Variants in CAPN5 observed in about 807,000 individuals in gnomAD.
CAPN5 encodes calpain-5.
CAPN5 carries 54 observed loss-of-function variants against 73.0 expected under a neutral mutation model. The observed-to-expected ratio is 0.74, with a 90% CI of 0.59 to 0.93. The LOEUF (loss-of-function observed/expected upper bound fraction) is 0.93. Among genes scored for constraint, CAPN5 ranks in the 40% least tolerant of loss-of-function variants. CAPN5 has a pLI of 0.00. For synonymous variants in CAPN5, 335 were observed against 356.9 expected, an observed-to-expected ratio of 0.94 and a Z score of 0.69; for missense variants, 785 against 882.9, an observed-to-expected ratio of 0.89 and a Z score of 1.41.
intron 3 of CAPN5, among the ~76,000 whole-genome samples, chr11:77,112,184 T>C (rs1252734447): frequency 6.6e-6 from 1 of 151,728 alleles, no homozygotes; most frequent in Non-Finnish European, 1.5e-5. Flanking sequence ...TTGGGCTGAC[T>C]GGATGGAGGG....
Position 77,124,103 on chromosome 11 carries a change from C to T in CAPN5, c.*233C>T. 1 of 563,620 alleles carries T rather than the reference C, an allele frequency of 1.8e-6. No homozygotes were observed. The highest frequency in any genetic ancestry group is 3.2e-6 in the Non-Finnish European group (1 of 316,706). 34.9% of individuals were successfully genotyped at this position (563,620 alleles called of 1,614,324 possible). A position where few individuals can be genotyped will look rare whatever the true frequency, so the allele number is the denominator to read the frequency against. On this transcript the variant is annotated 3_prime_UTR_variant, in exon 13 of 13. Transcript: ENST00000648180. ...TGCTGAGATTTCAAATAGTCCTCCC[C>T]ACCTCAACTGTCACCACTGCTAAGG...
chr11:77,102,933 C>G, intron 3 of CAPN5: 1 of 1,613,018 alleles, frequency 6.2e-7, no homozygotes. Context: ...CGTGGAGAGC[C>G]TGAAGCAGCG....
Position 77,124,145 on chromosome 11 carries a change from C to A in CAPN5, c.*275C>A, listed in dbSNP as rs1170051937. ...CTGCTAAGGGACTCTATCCATTGAG[C>A]ACATTTTCCTAAGGCCCTGCTGTCT... is the stretch of plus-strand genomic sequence containing the variant. On this transcript the variant is annotated 3_prime_UTR_variant, in exon 13 of 13. Transcript: ENST00000648180. 4.4e-6 allele frequency: 2 copies of A among 452,032 alleles called. No individual in the cohort carries two copies. Among genetic ancestry groups the A allele is most frequent in the Non-Finnish European group, 7.9e-6 (2 of 253,256 alleles). 28.0% of individuals were successfully genotyped at this position (452,032 alleles called of 1,614,324 possible). A position where few individuals can be genotyped will look rare whatever the true frequency, so the allele number is the denominator to read the frequency against.
At chr11:77,097,568 T>C (rs1476167627) in intron 3 of CAPN5, among the ~76,000 whole-genome samples, 4 of 119,222 alleles carry the variant, frequency 3.4e-5, no homozygotes, top group African/African-American at 1.3e-4. Context: ...GGTCAGCAGA[T>C]AAACAAGTGA....
chr11:77,121,470 C>T (rs1342482124), intron 10 of CAPN5, among the ~76,000 whole-genome samples: 1 of 152,264 alleles, frequency 6.6e-6, no homozygotes, highest in Non-Finnish European at 1.5e-5. Context: ...TGAGCTCTGC[C>T]CACGTGCCAG....
In CAPN5 at chr11:77,114,670, C is replaced by G. The variant is rs1377428521; in HGVS notation, c.699+236C>G. 2.0e-5 allele frequency among the ~76,000 whole-genome samples: 3 copies of G among 152,166 alleles called. No homozygotes were observed. The East Asian group carries it at 5.8e-4, about 29-fold the overall frequency. On this transcript the variant is annotated intron_variant, in intron 5 of 12. Transcript: ENST00000648180. ...TTTTCTGATCCTCTTGGGTTATGAA[C>G]GTCTGTGCATCTGAGGGTGGTCCTG...
chr11:77,118,167 G>C lies in CAPN5; in HGVS notation c.982G>C (p.Glu328Gln). The C allele has an allele frequency of 2.5e-6, 4 of 1,611,882 alleles. No individual in the cohort carries two copies. The highest frequency in any genetic ancestry group is 3.4e-6 in the Non-Finnish European group (4 of 1,178,500). Residue 328 changes from glutamate (E) to glutamine (Q), a missense_variant, in exon 8 of 13, where the codon GAG (glutamate) becomes CAG (glutamine). Physicochemically the swap from Glu to Gln is conservative, Grantham distance 29. Transcript: ENST00000648180. ...CCTCCCCACATCCAGGATGACCTTC[G>C]AGGACGTGTGCCGGTACTTCACGGA... is the stretch of plus-strand genomic sequence containing the variant. ...QDDGEFWMTF[E>Q]DVCRYFTDII...
At chr11:77,120,946 A>G (rs1591150396) in intron 10 of CAPN5, 37 bp downstream of exon 10, 1 of 1,585,104 alleles carries the variant, frequency 6.3e-7, no homozygotes, top group Non-Finnish European at 8.6e-7. Flanking sequence ...TGTGGGTGGG[A>G]GTGACATTCA....
chr11:77,124,014 C>T lies in CAPN5; in HGVS notation c.*144C>T. Reference sequence around the variant, plus strand: ...GCTGTGTGACCTTAGGAAGTCTCTGCCCCTCTCTCAGCCTCAGTGTCCCGA... The same window carrying T: ...GCTGTGTGACCTTAGGAAGTCTCTGTCCCTCTCTCAGCCTCAGTGTCCCGA... On this transcript the variant is annotated 3_prime_UTR_variant, in exon 13 of 13. Transcript: ENST00000648180. 5.4e-6 allele frequency: 4 copies of T among 746,304 alleles called. No individual in the cohort carries two copies. The South Asian group carries it at 7.4e-5, about 14-fold the overall frequency. The allele number at this position is 746,304 out of a possible 1,614,324, so 46.2% of individuals were successfully genotyped here. A position where few individuals can be genotyped will look rare whatever the true frequency, so the allele number is the denominator to read the frequency against.
chr11:77,073,237 C>A, intron 1 of CAPN5: 2 of 595,494 alleles, frequency 3.4e-6, no homozygotes, highest in Non-Finnish European at 5.5e-6. Context: ...CGAGGCTTGG[C>A]CTGGGGCTGC....
chr11:77,068,041 AAG>A lies in CAPN5; in HGVS notation c.-36+953_-36+954del, dbSNP rs199961218. Among the ~76,000 whole-genome samples the A allele has an allele frequency of 3.3e-4, 51 of 152,274 alleles. No individual in the cohort carries two copies. The East Asian group carries it at 9.5e-3, about 28-fold the overall frequency. ...GGCGACTATCCCAGGACTCAGGGGAAAGAGAGATCTGGGCAGACTTCTTGGAA... is the reference window on the plus strand; with the variant it reads ...GGCGACTATCCCAGGACTCAGGGGAAAGAGATCTGGGCAGACTTCTTGGAA... On this transcript the variant is annotated intron_variant, in intron 1 of 12. Coordinates refer to ENST00000648180, the MANE Select transcript of CAPN5 (RefSeq NM_004055.5).
At chr11:77,103,849 G>A (rs547842914) in intron 3 of CAPN5, among the ~76,000 whole-genome samples, 13 of 152,282 alleles carry the variant, frequency 8.5e-5, no homozygotes, top group East Asian at 1.9e-4. Flanking sequence ...CCCATAACAC[G>A]TCGACAACCC....
chr11:77,103,640 T>A (rs1288726967), intron 3 of CAPN5, among the ~76,000 whole-genome samples: 2 of 152,160 alleles, frequency 1.3e-5, no homozygotes, highest in Admixed American at 1.3e-4. Context: ...CTGCCTTCTC[T>A]CTGCTTCATT....
At chr11:77,103,208 G>A (rs931468804) in intron 3 of CAPN5, 4 of 1,613,718 alleles carry the variant, frequency 2.5e-6, no homozygotes, top group Non-Finnish European at 3.4e-6. Flanking sequence ...CCGACGCCCT[G>A]GAGTTTGGGG....
At chr11:77,115,668 A>C in intron 6 of CAPN5, 80 bp downstream of exon 6, 1 of 1,196,666 alleles carries the variant, frequency 8.4e-7, no homozygotes, top group Non-Finnish European at 1.2e-6. Context: ...AGGAGTTGGC[A>C]CTGGGGCTGG....
At chr11:77,103,994 C>T (rs1950317551) in intron 3 of CAPN5, among the ~76,000 whole-genome samples, 1 of 152,196 alleles carries the variant, frequency 6.6e-6, no homozygotes, top group Non-Finnish European at 1.5e-5. Flanking sequence ...GGGGAGGTTA[C>T]ACAGAGATCT....
At chr11:77,115,717 A>G in intron 6 of CAPN5, 129 bp downstream of exon 6, 5 of 702,332 alleles carry the variant, frequency 7.1e-6, no homozygotes, top group South Asian at 5.5e-5. Context: ...CTAGGAACGA[A>G]GAAGGGAGAA....
intron 2 of CAPN5, among the ~76,000 whole-genome samples, chr11:77,093,145 A>G (rs1950166938): frequency 6.6e-6 from 1 of 152,206 alleles, no homozygotes; most frequent in African/African-American, 2.4e-5. Context: ...TGATGAGATT[A>G]TGCGAGGCAA....
intron 1 of CAPN5, among the ~76,000 whole-genome samples, chr11:77,075,776 C>G (rs565406238): frequency 6.6e-6 from 1 of 151,714 alleles, no homozygotes. Context: ...GGACCACACC[C>G]ATGGAACCAC....
Sources: allele counts gnomAD v4.1 joint callset (sites outside exome capture counted in the v4.1 genomes callset), GRCh38; gene constraint gnomAD v4.1.1; transcripts MANE v1.5; gene names NCBI Gene and HGNC (gene_info 2026-07-23, HGNC 2026-07-21).